The following UBR4 variants were observed in gnomAD, a reference collection of about 807,000 sequenced individuals.
UBR4 encodes the protein E3 ubiquitin-protein ligase UBR4.
In UBR4, 124 loss-of-function variants were observed where a neutral mutation model predicts 575.6. The ratio of observed to expected loss-of-function variants is 0.22; its 90% CI spans 0.19 to 0.25. UBR4 has a LOEUF of 0.25. UBR4 is among the 10% of genes least tolerant of loss of function. The probability of loss-of-function intolerance (pLI) is 1.00; values close to 1 mark genes in which losing one functional copy is unlikely to be tolerated. For missense variants in UBR4, 4,818 were observed against 6,478.8 expected, an observed-to-expected ratio of 0.74 and a Z score of 8.80; for synonymous variants, 2,455 against 2,473.7, an observed-to-expected ratio of 0.99 and a Z score of 0.22.
At chr1:19,166,790 C>T (rs1431237662) in intron 29 of UBR4, among the ~76,000 whole-genome samples, 1 of 144,278 alleles carries the variant, frequency 6.9e-6, no homozygotes, top group Admixed American at 6.9e-5. Context: ...CCTGTAGTCC[C>T]AGCTACACAG....
At chr1:19,115,987 C>T (rs2080480219) in intron 73 of UBR4, among the ~76,000 whole-genome samples, 1 of 152,186 alleles carries the variant, frequency 6.6e-6, no homozygotes, top group Non-Finnish European at 1.5e-5. Context: ...AGTTCCCATC[C>T]TGACAGCAAC....
chr1:19,120,431 G>A (rs549766107), intron 68 of UBR4, 83 bp from the exon 69 acceptor site: 81 of 1,492,964 alleles, frequency 5.4e-5, no homozygotes, highest in Non-Finnish European at 7.0e-5. Context: ...CAAATGGTGA[G>A]GGAGGGAATT....
At chr1:19,082,370 G>A (rs939842689) in intron 102 of UBR4, 3 of 152,448 alleles carry the variant, frequency 2.0e-5, no homozygotes, top group Non-Finnish European at 2.9e-5. Context: ...TAAGGATTCT[G>A]CCCAAGTCTC....
At chr1:19,156,704 A>G in intron 41 of UBR4, 63 bp downstream of exon 41, 1 of 1,556,000 alleles carries the variant, frequency 6.4e-7, no homozygotes, top group Non-Finnish European at 8.7e-7. Flanking sequence ...TTCTGAGAAC[A>G]GGGGAGAGAA....
At chr1:19,174,078 G>T (rs983664812) in intron 22 of UBR4, among the ~76,000 whole-genome samples, 2 of 150,098 alleles carry the variant, frequency 1.3e-5, no homozygotes, top group Non-Finnish European at 3.0e-5. Flanking sequence ...TATAGCACTT[G>T]GGGGGGGACC....
intron 97 of UBR4, 180 bp downstream of exon 97, chr1:19,092,639 G>A (rs1455369363): frequency 3.8e-6 from 2 of 523,318 alleles, no homozygotes; most frequent in Admixed American, 3.5e-5. Flanking sequence ...AGAATGAGTT[G>A]AATGAGGAAA....
Position 19,077,801 on chromosome 1 carries a change from T to C in UBR4, c.15324+175A>G, listed in dbSNP as rs2148424719. 3 of 1,536,032 alleles carry C rather than the reference T, an allele frequency of 2.0e-6. No homozygotes were observed. In the East Asian group the frequency reaches 7.5e-5, roughly 38 times the overall value. On this transcript the variant is annotated intron_variant, in intron 104 of 105. Transcript: ENST00000375254. ...CAAATGTACCTCACAGACACAAGGC[T>C]CCAGGCTGCCAGTGTCAATCCCTCC... is the stretch of plus-strand genomic sequence containing the variant.
Position 19,181,224 on chromosome 1 carries a change from TGGAA to T in UBR4, c.2185-2008_2185-2005del, listed in dbSNP as rs1018934334. ...AGACCCCATCAGGAAGACGGACGGA[TGGAA>T]GGAAGGAAGGAAAGAAGGACGGACC... On this transcript the variant is annotated intron_variant, in intron 17 of 105. Transcript: ENST00000375254. Among the ~76,000 whole-genome samples, 4 of 151,160 alleles carry T rather than the reference TGGAA, an allele frequency of 2.6e-5. No homozygotes were observed. The South Asian group carries it at 8.5e-4, about 32-fold the overall frequency.
intron 8 of UBR4, 121 bp from the exon 9 acceptor site, chr1:19,193,678 C>T (rs888072165): frequency 1.5e-6 from 2 of 1,290,944 alleles, no homozygotes; most frequent in African/African-American, 3.0e-5. Flanking sequence ...AAAATAAATG[C>T]CATTAAGAGC....
At chr1:19,129,338 C>T (rs1377108110) in intron 60 of UBR4, among the ~76,000 whole-genome samples, 1 of 152,218 alleles carries the variant, frequency 6.6e-6, no homozygotes, top group East Asian at 1.9e-4. Context: ...AATCCTACTA[C>T]AGGGAAGTTC....
At chr1:19,103,662 G>A (rs1307475871) in intron 87 of UBR4, among the ~76,000 whole-genome samples, 1 of 152,126 alleles carries the variant, frequency 6.6e-6, no homozygotes, top group Non-Finnish European at 1.5e-5. Context: ...AAACTGAATT[G>A]AACAAATTGT....
chr1:19,168,415 C>A (rs1488671150), intron 27 of UBR4, among the ~76,000 whole-genome samples: 1 of 152,096 alleles, frequency 6.6e-6, no homozygotes, highest in Non-Finnish European at 1.5e-5. Context: ...ATATCCAATA[C>A]CACTTTCAAA....
intron 48 of UBR4, 125 bp from the exon 49 acceptor site, chr1:19,150,918 T>C: frequency 1.1e-6 from 1 of 930,944 alleles, no homozygotes; most frequent in Non-Finnish European, 1.6e-6. Flanking sequence ...AGAGAAACTT[T>C]ATCTTCTGAG....
Position 19,093,354 on chromosome 1 carries a change from A to G in UBR4, c.14070T>C (p.Asn4690=). Residue 4690 remains asparagine (N), a synonymous_variant, in exon 96 of 106, where the codon AAT becomes AAC. Transcript: ENST00000375254. This position sits in a 1 kb window ranked among gnomAD's most constrained non-coding sequence, Gnocchi z 4.8. ...DLILQKGITQ[N]ALDYMKKHIP... is the part of the protein sequence containing the mutation. ...TGTGCTTTTTCATGTAGTCAAGTGC[A>G]TTCTGGGTGATCCCCTTCTGGAGAA... The G allele has an allele frequency of 6.2e-7, 1 of 1,614,162 alleles. No homozygotes were observed. The highest frequency in any genetic ancestry group is 1.3e-5 in the African/African-American group (1 of 75,072).
intron 11 of UBR4, among the ~76,000 whole-genome samples, chr1:19,190,312 A>AAAAAAATATATATAT: frequency 4.4e-4 from 35 of 79,882 alleles, no homozygotes; most frequent in East Asian, 1.2e-3. Context: ...AAAAAAAAAA[A>AAAAAAATATATATAT]ATATATATAT....
intron 60 of UBR4, among the ~76,000 whole-genome samples, chr1:19,130,859 G>C (rs576987787): frequency 6.6e-6 from 1 of 152,146 alleles, no homozygotes; most frequent in African/African-American, 2.4e-5. Flanking sequence ...GCAGAGTCTA[G>C]ACTTGGACCA....
rs2077755977 is a variant in UBR4 at position 19,093,767 on chromosome 1, A to G, written c.13937+182T>C. 6.6e-6 allele frequency among the ~76,000 whole-genome samples: 1 copy of G among 152,122 alleles called. No homozygotes were observed. The highest frequency in any genetic ancestry group is 2.4e-5 in the African/African-American group (1 of 41,438). On this transcript the variant is annotated intron_variant, in intron 95 of 105. Coordinates refer to ENST00000375254, the MANE Select transcript of UBR4 (RefSeq NM_020765.3). The surrounding 1 kb of genome is among the most constrained non-coding windows in gnomAD (Gnocchi z 4.8). ...CCACTTTGCCTTCTCTGACTAGCCA[A>G]TTGCTACTCTAATACAGTATATTTT...
Position 19,105,181 on chromosome 1 carries a change from T to G in UBR4, c.12512A>C (p.Asp4171Ala). The G allele has an allele frequency of 6.2e-7, 1 of 1,612,376 alleles. No homozygotes were observed. ...QVLDLLTSYL[D>A]ELSIAGECAA... ...ACACTCCCCAGCTATGCTCAGCTCA[T>G]CCAGGTAACTGCCACCAAGAGGGAC... The change falls in exon 85 of 106, where the codon GAT becomes GCT. Residue 4171 changes from aspartate (D) to alanine (A), a missense_variant. Around this residue, in one of 29 missense-constraint regions of UBR4, gnomAD observed 178 missense variants for 175.5 expected, o/e 1.01. Transcript: ENST00000375254.
At position 19,117,040 on chromosome 1, in the gene UBR4, C is replaced by T. The variant is rs1453385744; in HGVS notation, c.10823+181G>A. On this transcript the variant is annotated intron_variant, in intron 73 of 105. Transcript: ENST00000375254. The surrounding 1 kb of genome is among the most constrained non-coding windows in gnomAD (Gnocchi z 4.0). ...TCCACTGGGCTAATTTAGAAATAAT[C>T]TTTGTCAACATGCTTAGAACTGTTG... 6.6e-6 allele frequency among the ~76,000 whole-genome samples: 1 copy of T among 152,146 alleles called. No individual in the cohort carries two copies. The highest frequency in any genetic ancestry group is 1.5e-5 in the Non-Finnish European group (1 of 68,016).
Sources: allele counts gnomAD v4.1 joint callset (sites outside exome capture counted in the v4.1 genomes callset), GRCh38; gene constraint gnomAD v4.1.1; regional missense constraint gnomAD v4.1.1; non-coding constraint Gnocchi (gnomAD v3.1); transcripts MANE v1.5; gene names NCBI Gene and HGNC (gene_info 2026-07-23, HGNC 2026-07-21).